Variants in HERC4 observed in about 807,000 individuals in gnomAD.
The protein encoded by HERC4 is probable E3 ubiquitin-protein ligase HERC4.
In HERC4, 28 loss-of-function variants were observed where a neutral mutation model predicts 124.3. The ratio of observed to expected loss-of-function variants is 0.23; its 90% CI spans 0.17 to 0.31. The LOEUF (loss-of-function observed/expected upper bound fraction) is 0.31. Ranked by LOEUF, HERC4 falls within the 10% of genes least tolerant of loss-of-function variation. The probability of loss-of-function intolerance (pLI) is 1.00; values close to 1 mark genes in which losing one functional copy is unlikely to be tolerated. For synonymous variants in HERC4, 407 were observed against 421.5 expected, an observed-to-expected ratio of 0.97 and a Z score of 0.42; for missense variants, 713 against 1,229.3, an observed-to-expected ratio of 0.58 and a Z score of 6.28.
At chr10:67,969,721 C>T (rs2035115061) in intron 15 of HERC4, among the ~76,000 whole-genome samples, 1 of 151,976 alleles carries the variant, frequency 6.6e-6, no homozygotes, top group Admixed American at 6.6e-5. Context: ...ATCAGTAGGA[C>T]TAGAGGTCTG....
At chr10:68,031,679 G>C (rs1004302619) in intron 7 of HERC4, among the ~76,000 whole-genome samples, 1 of 152,084 alleles carries the variant, frequency 6.6e-6, no homozygotes, top group African/African-American at 2.4e-5. Flanking sequence ...TGACAATAAC[G>C]AAGAATAATT....
intron 21 of HERC4, among the ~76,000 whole-genome samples, chr10:67,937,914 T>C (rs1022790170): frequency 6.6e-6 from 1 of 151,714 alleles, no homozygotes; most frequent in African/African-American, 2.4e-5. Flanking sequence ...ACTCCTGACC[T>C]CCAGTGATCT....
intron 20 of HERC4, 22 bp downstream of exon 20, chr10:67,940,917 T>C (rs757641084): frequency 2.5e-6 from 4 of 1,601,354 alleles, no homozygotes; most frequent in African/African-American, 2.7e-5. Context: ...CTACTACTTT[T>C]TGACTTTTTT....
At chr10:67,951,523 C>G (rs1000912712) in intron 19 of HERC4, among the ~76,000 whole-genome samples, 2 of 152,184 alleles carry the variant, frequency 1.3e-5, no homozygotes, top group African/African-American at 4.8e-5. Flanking sequence ...CTGGAACTCA[C>G]AATCTACCAT....
At chr10:67,927,430 A>ATTTTTTTTTTT (rs373401588) in intron 23 of HERC4, among the ~76,000 whole-genome samples, 1 of 37,924 alleles carries the variant, frequency 2.6e-5, no homozygotes, top group African/African-American at 5.8e-5. Flanking sequence ...ATATATATAT[A>ATTTTTTTTTTT]TTTTTTTTTT....
At chr10:67,982,416 A>G (rs1195473749) in intron 15 of HERC4, among the ~76,000 whole-genome samples, 2 of 152,210 alleles carry the variant, frequency 1.3e-5, no homozygotes, top group African/African-American at 2.4e-5. Context: ...GGAAAACTGA[A>G]TATCTGTATG....
rs544563852 is a variant in HERC4, at chr10:68,069,800, T to C, written c.226+3083A>G. The C allele has an allele frequency of 2.2e-5, 21 of 944,342 alleles. No homozygotes were observed. In the African/African-American group the frequency reaches 3.7e-4, roughly 17 times the overall value. 58.5% of individuals were successfully genotyped at this position (944,342 alleles called of 1,614,324 possible). ...GCTCACGCCTGTAATCCCAGCACTC[T>C]GGGAGGCCAAGGCGGGCAGATCACA... On this transcript the variant is annotated intron_variant, in intron 3 of 24. Coordinates refer to ENST00000373700, the MANE Select transcript of HERC4 (RefSeq NM_015601.4).
At chr10:67,979,477 G>C (rs2035798498) in intron 15 of HERC4, among the ~76,000 whole-genome samples, 1 of 151,954 alleles carries the variant, frequency 6.6e-6, no homozygotes, top group Non-Finnish European at 1.5e-5. Context: ...GCCCAAAAGG[G>C]CAAATCTAAG....
chr10:67,932,924 AC>A, intron 22 of HERC4, 144 bp from the exon 23 acceptor site: 2 of 639,888 alleles, frequency 3.1e-6, no homozygotes, highest in Admixed American at 3.7e-5. Context: ...TTCAAACAGG[AC>A]AAAACCAAAG....
chr10:68,032,338 A>G (rs2039251254), intron 7 of HERC4, among the ~76,000 whole-genome samples: 2 of 152,350 alleles, frequency 1.3e-5, no homozygotes, highest in African/African-American at 2.4e-5. Flanking sequence ...TACTTGGCCT[A>G]TGAATAACAG....
intron 22 of HERC4, among the ~76,000 whole-genome samples, chr10:67,935,887 A>G (rs2032316257): frequency 6.6e-6 from 1 of 151,960 alleles, no homozygotes; most frequent in Admixed American, 6.6e-5. Flanking sequence ...TTTCCATCTC[A>G]TGTTGTAGCT....
At chr10:68,060,201 T>C (rs1440143994) in intron 3 of HERC4, among the ~76,000 whole-genome samples, 2 of 151,674 alleles carry the variant, frequency 1.3e-5, no homozygotes, top group African/African-American at 4.8e-5. Flanking sequence ...AAATCAGCAT[T>C]ATAAGGTGTA....
intron 9 of HERC4, among the ~76,000 whole-genome samples, chr10:68,005,481 T>C (rs950914095): frequency 1.3e-5 from 2 of 152,172 alleles, no homozygotes; most frequent in Non-Finnish European, 1.5e-5. Flanking sequence ...TCTTGTTTTT[T>C]CATCCAGCCA....
intron 23 of HERC4, among the ~76,000 whole-genome samples, chr10:67,927,862 A>G (rs1290864987): frequency 6.6e-6 from 1 of 152,172 alleles, no homozygotes; most frequent in Non-Finnish European, 1.5e-5. Context: ...AGAGGCAAAA[A>G]TTCTGCCCTC....
At chr10:67,985,269 T>C (rs146332386) in intron 15 of HERC4, among the ~76,000 whole-genome samples, 14 of 152,308 alleles carry the variant, frequency 9.2e-5, no homozygotes, top group South Asian at 8.3e-4. Context: ...GCAGAAATCA[T>C]GTCTTTTATC....
At chr10:68,001,385 A>G (rs1255411424) in intron 9 of HERC4, among the ~76,000 whole-genome samples, 1 of 151,358 alleles carries the variant, frequency 6.6e-6, no homozygotes, top group Non-Finnish European at 1.5e-5. Flanking sequence ...AAAAAAAAAA[A>G]ATTCCTCTTG....
In HERC4 at chr10:67,936,945, T is replaced by C. The variant is rs377384992; in HGVS notation, c.2572-710A>G. Among the ~76,000 whole-genome samples, 4 of 152,220 alleles carry C rather than the reference T, an allele frequency of 2.6e-5. No individual in the cohort carries two copies. The East Asian group carries it at 7.7e-4, about 29-fold the overall frequency. On this transcript the variant is annotated intron_variant, in intron 21 of 24. Coordinates refer to ENST00000373700, the MANE Select transcript of HERC4 (RefSeq NM_015601.4). ...AGAAATGTAACATATGAAGAACTAA[T>C]TATAATAAAATAATGCATTTATAAG...
At chr10:67,952,749 A>C (rs1321184025) in intron 19 of HERC4, among the ~76,000 whole-genome samples, 1 of 151,814 alleles carries the variant, frequency 6.6e-6, no homozygotes, top group Admixed American at 6.6e-5. Context: ...ATATAAAAAA[A>C]ATTAGCCGGG....
At chr10:67,950,694 T>G (rs1023503502) in intron 19 of HERC4, among the ~76,000 whole-genome samples, 1 of 152,236 alleles carries the variant, frequency 6.6e-6, no homozygotes, top group Admixed American at 6.5e-5. Context: ...CTTTGGTGTT[T>G]GGATAGAATT....
Sources: gnomAD v4.1 joint callset for allele counts (sites outside exome capture counted in the v4.1 genomes callset) on GRCh38, gnomAD v4.1.1 for gene constraint, MANE v1.5 for transcripts, NCBI Gene and HGNC (gene_info 2026-07-23, HGNC 2026-07-21) for gene names.